The following CDKAL1 variants were observed in gnomAD, a reference collection of about 807,000 sequenced individuals.
CDKAL1 encodes the protein CDKAL1 threonylcarbamoyladenosine tRNA methylthiotransferase.
In CDKAL1, 32 loss-of-function variants were observed where a neutral mutation model predicts 68.2. The observed-to-expected ratio is 0.47, with a 90% CI of 0.35 to 0.63. The LOEUF (loss-of-function observed/expected upper bound fraction) is 0.63, where lower values mean the gene tolerates loss of function less well. Among genes scored for constraint, CDKAL1 ranks in the 30% least tolerant of loss-of-function variants. The probability of loss-of-function intolerance (pLI) is 0.00; values close to 1 mark genes in which losing one functional copy is unlikely to be tolerated. For missense variants in CDKAL1, 606 were observed against 696.7 expected (o/e 0.87, Z 1.47); for synonymous variants, 234 against 244.3 (o/e 0.96, Z 0.39).
chr6:21,189,256 CTT>C (rs1256477042), intron 13 of CDKAL1, among the ~76,000 whole-genome samples: 1 of 152,116 alleles, frequency 6.6e-6, no homozygotes, highest in Non-Finnish European at 1.5e-5. Flanking sequence ...GGAAGAATAA[CTT>C]TTGAAAAGCC....
chr6:21,081,135 GATTA>G, intron 12 of CDKAL1, among the ~76,000 whole-genome samples: 1 of 152,284 alleles, frequency 6.6e-6, no homozygotes, highest in East Asian at 1.9e-4. Context: ...TGTTTCTTAT[GATTA>G]ATTTTTTGCC....
At chr6:20,882,681 G>A (rs1760882167) in intron 9 of CDKAL1, among the ~76,000 whole-genome samples, 1 of 152,014 alleles carries the variant, frequency 6.6e-6, no homozygotes. Context: ...TTTTTAATCT[G>A]TTAATCACTT....
intron 10 of CDKAL1, among the ~76,000 whole-genome samples, chr6:20,995,067 A>G (rs1035255600): frequency 2.6e-5 from 4 of 152,234 alleles, no homozygotes; most frequent in Admixed American, 6.5e-5. Context: ...TTGCTCATCC[A>G]TAAGAAACAA....
rs74325657 is a variant in CDKAL1, at chr6:21,016,777, C to A, written c.1055+16405C>A. On this transcript the variant is annotated intron_variant, in intron 11 of 15. Transcript: ENST00000274695. ...CCCAATCTACTCTGGCACCAGGTCC[C>A]CTCAGTGTGTCTTCTAAATGACTCA... 7.6e-4 allele frequency among the ~76,000 whole-genome samples: 116 copies of A among 152,228 alleles called. No homozygotes were observed. The East Asian group carries it at 0.017, about 23-fold the overall frequency.
At chr6:21,042,799 A>C (rs1333399940) in intron 11 of CDKAL1, among the ~76,000 whole-genome samples, 1 of 151,996 alleles carries the variant, frequency 6.6e-6, no homozygotes, top group Non-Finnish European at 1.5e-5. Context: ...CTTTTCCCCA[A>C]ACTTCTATAT....
chr6:20,643,098 A>C (rs982044009), intron 4 of CDKAL1, among the ~76,000 whole-genome samples: 1 of 152,160 alleles, frequency 6.6e-6, no homozygotes, highest in African/African-American at 2.4e-5. Context: ...GGTTACGAGC[A>C]CTCTAAGGGG....
intron 9 of CDKAL1, among the ~76,000 whole-genome samples, chr6:20,852,036 C>G (rs374520171): frequency 1.3e-5 from 2 of 151,920 alleles, no homozygotes; most frequent in Non-Finnish European, 2.9e-5. Context: ...TTCATATGTG[C>G]TGTATTCAAT....
At chr6:20,656,874 G>C (rs1008482236) in intron 5 of CDKAL1, among the ~76,000 whole-genome samples, 1 of 151,984 alleles carries the variant, frequency 6.6e-6, no homozygotes. Flanking sequence ...AATTTAAAAA[G>C]ATATTATATA....
chr6:21,047,267 G>C (rs539071461), intron 11 of CDKAL1, among the ~76,000 whole-genome samples: 9 of 152,182 alleles, frequency 5.9e-5, no homozygotes, highest in African/African-American at 2.2e-4. Context: ...TCTCTTTGGA[G>C]AAAGGCTAGG....
At chr6:20,608,659 G>A (rs528432016) in intron 4 of CDKAL1, among the ~76,000 whole-genome samples, 4 of 152,270 alleles carry the variant, frequency 2.6e-5, no homozygotes, top group Admixed American at 1.3e-4. Context: ...GAAGTTGCCC[G>A]CAGTCAAATC....
At chr6:20,974,714 CGTGCTT>C (rs1765754033) in intron 10 of CDKAL1, among the ~76,000 whole-genome samples, 1 of 151,588 alleles carries the variant, frequency 6.6e-6, no homozygotes, top group African/African-American at 2.4e-5. Context: ...TGCAGTGACT[CGTGCTT>C]GTAATCCCAG....
At chr6:21,120,059 C>G (rs9356765) in intron 13 of CDKAL1, among the ~76,000 whole-genome samples, 73,851 of 152,052 alleles carry the variant, frequency 0.49, 18,147 homozygotes, top group East Asian at 0.68. Context: ...TTGCTCTCAC[C>G]TCTTGCTACC....
chr6:20,715,796 C>T (rs1772064067), intron 5 of CDKAL1, among the ~76,000 whole-genome samples: 1 of 152,082 alleles, frequency 6.6e-6, no homozygotes, highest in Non-Finnish European at 1.5e-5. Context: ...TTTTCCTAGT[C>T]AGTATTTCCT....
chr6:20,809,460 A>G (rs1776704356), intron 8 of CDKAL1, among the ~76,000 whole-genome samples: 1 of 152,172 alleles, frequency 6.6e-6, no homozygotes, highest in Admixed American at 6.5e-5. Flanking sequence ...CATTTTTTGT[A>G]ACCATCTGAG....
At chr6:20,693,303 C>T (rs1276947291) in intron 5 of CDKAL1, among the ~76,000 whole-genome samples, 2 of 152,016 alleles carry the variant, frequency 1.3e-5, no homozygotes, top group Admixed American at 1.3e-4. Flanking sequence ...ATTTTTATTG[C>T]CCTTTCTGCT....
intron 13 of CDKAL1, among the ~76,000 whole-genome samples, chr6:21,153,846 G>A (rs1273998258): frequency 6.6e-6 from 1 of 152,146 alleles, no homozygotes; most frequent in Non-Finnish European, 1.5e-5. Context: ...ATAAGACCTG[G>A]AGAATGCAGG....
chr6:20,555,190 TG>T (rs1415033974), intron 4 of CDKAL1, among the ~76,000 whole-genome samples: 1 of 152,250 alleles, frequency 6.6e-6, no homozygotes, highest in Non-Finnish European at 1.5e-5. Context: ...TATTCTTTTT[TG>T]GCAAAGGAAA....
chr6:20,544,616 A>T (rs1352121985), intron 2 of CDKAL1, among the ~76,000 whole-genome samples: 1 of 150,922 alleles, frequency 6.6e-6, no homozygotes, highest in East Asian at 1.9e-4. Flanking sequence ...AAAAAAAAAA[A>T]AAAAATTGGG....
intron 4 of CDKAL1, among the ~76,000 whole-genome samples, chr6:20,617,867 G>A (rs77880726): frequency 0.029 from 4,468 of 152,146 alleles, 98 homozygotes; most frequent in Middle Eastern, 0.048. Flanking sequence ...GAATAGTGCC[G>A]CAATAAACAT....
Sources: gnomAD v4.1 joint callset for allele counts (sites outside exome capture counted in the v4.1 genomes callset) on GRCh38, gnomAD v4.1.1 for gene constraint, MANE v1.5 for transcripts, NCBI Gene and HGNC (gene_info 2026-07-23, HGNC 2026-07-21) for gene names.